The following ANO4 variants were observed in gnomAD, a reference collection of about 807,000 sequenced individuals.
The protein encoded by ANO4 is anoctamin-4.
In ANO4, 69 loss-of-function variants were observed where a neutral mutation model predicts 141.9. The observed-to-expected ratio is 0.49, with a 90% CI of 0.40 to 0.59. The LOEUF (loss-of-function observed/expected upper bound fraction) is 0.59, where lower values mean the gene tolerates loss of function less well. Ranked by LOEUF, ANO4 falls within the 20% of genes least tolerant of loss-of-function variation. The pLI, the probability that ANO4 is intolerant of heterozygous loss-of-function variation, is 0.00. For missense variants in ANO4, 894 were observed against 1,162.2 expected (o/e 0.77, Z 3.36); for synonymous variants, 350 against 394.3 (o/e 0.89, Z 1.33).
intron 11 of ANO4, 28 bp downstream of exon 11, chr12:101,040,104 A>G: frequency 6.3e-7 from 1 of 1,582,032 alleles, no homozygotes; most frequent in Non-Finnish European, 8.6e-7. Context: ...TGCAAATATA[A>G]AGCTTGCACA....
intron 3 of ANO4, among the ~76,000 whole-genome samples, chr12:100,767,131 T>G (rs529974624): frequency 6.6e-6 from 1 of 151,674 alleles, no homozygotes; most frequent in Admixed American, 6.5e-5. Context: ...TATAGGTATA[T>G]TTTTTTCTTT....
chr12:100,736,766 A>G (rs1460648871), intron 2 of ANO4, among the ~76,000 whole-genome samples: 4 of 152,166 alleles, frequency 2.6e-5, no homozygotes, highest in African/African-American at 7.2e-5. Context: ...CAGAGACCAT[A>G]CAGAGAGAGC....
chr12:100,770,253 G>C (rs926154622), intron 3 of ANO4, among the ~76,000 whole-genome samples: 1 of 152,084 alleles, frequency 6.6e-6, no homozygotes, highest in Non-Finnish European at 1.5e-5. Context: ...ATGTGGACTC[G>C]GGTTCTTACC....
At chr12:100,813,281 C>T (rs185973270) in intron 1 of ANO4, among the ~76,000 whole-genome samples, 5 of 152,142 alleles carry the variant, frequency 3.3e-5, no homozygotes, top group African/African-American at 9.7e-5. Flanking sequence ...TTTGGACCCA[C>T]GTTATTGCTC....
intron 5 of ANO4, among the ~76,000 whole-genome samples, chr12:100,966,444 C>T (rs754861801): frequency 3.3e-5 from 5 of 152,040 alleles, no homozygotes; most frequent in Admixed American, 6.6e-5. Flanking sequence ...CCTCACAGTC[C>T]GAATTGCTAA....
At chr12:101,048,226 C>A in intron 13 of ANO4, 115 bp from the exon 14 acceptor site, 1 of 1,252,266 alleles carries the variant, frequency 8.0e-7, no homozygotes. Context: ...CTACCCAAAA[C>A]AAAGCCTGTA....
Position 100,972,561 on chromosome 12 carries a change from T to A in ANO4, c.557+1155T>A, listed in dbSNP as rs151027766. 1.2e-3 allele frequency among the ~76,000 whole-genome samples: 181 copies of A among 152,152 alleles called. 2 individuals carry two copies. The highest frequency in any genetic ancestry group is 3.7e-3 in the African/African-American group (155 of 41,530). ...ACTGTTAAAAAGAAAATCTGAGAAC[T>A]CAAGGATTAAAAAAAGGAATACATA... On this transcript the variant is annotated intron_variant, in intron 6 of 27. Transcript: ENST00000392977.
At chr12:100,734,814 C>T (rs140574588) in intron 2 of ANO4, among the ~76,000 whole-genome samples, 18 of 152,288 alleles carry the variant, frequency 1.2e-4, no homozygotes, top group African/African-American at 4.3e-4. Context: ...TATGAGGTTA[C>T]TTAAGTATGT....
At chr12:101,015,272 C>T (rs1319680495) in intron 8 of ANO4, among the ~76,000 whole-genome samples, 2 of 152,196 alleles carry the variant, frequency 1.3e-5, no homozygotes, top group East Asian at 3.9e-4. Flanking sequence ...TGTGTCCTCC[C>T]ATAGTCATTC....
At chr12:100,783,340 A>G (rs2033766004) in intron 3 of ANO4, among the ~76,000 whole-genome samples, 1 of 152,162 alleles carries the variant, frequency 6.6e-6, no homozygotes, top group Admixed American at 6.5e-5. Context: ...TTTATGAAAT[A>G]TCTTGTTTCC....
chr12:101,109,431 G>C (rs888768469), intron 22 of ANO4, among the ~76,000 whole-genome samples: 3 of 151,938 alleles, frequency 2.0e-5, no homozygotes, highest in Non-Finnish European at 4.4e-5. Context: ...TGTGATGGCG[G>C]GCGCCTGTAA....
At chr12:101,010,490 ATCT>A (rs2046041114) in intron 8 of ANO4, among the ~76,000 whole-genome samples, 1 of 152,134 alleles carries the variant, frequency 6.6e-6, no homozygotes, top group African/African-American at 2.4e-5. Flanking sequence ...TGGCCTGACA[ATCT>A]TCTCATCTTT....
At chr12:100,797,129 T>C (rs1334694612) in intron 1 of ANO4, among the ~76,000 whole-genome samples, 1 of 132,216 alleles carries the variant, frequency 7.6e-6, no homozygotes, top group Admixed American at 7.8e-5. Flanking sequence ...TATATGTGTG[T>C]GTATATATAT....
intron 1 of ANO4, among the ~76,000 whole-genome samples, chr12:100,890,412 T>C (rs1165077978): frequency 6.6e-6 from 1 of 152,218 alleles, no homozygotes. Context: ...TTCCTAGAAG[T>C]AGAATTCTTG....
chr12:101,011,387 T>C (rs911884063), intron 8 of ANO4, among the ~76,000 whole-genome samples: 11 of 149,124 alleles, frequency 7.4e-5, no homozygotes, highest in African/African-American at 2.7e-4. Flanking sequence ...ATTTTTTCCA[T>C]ATAGAAAATA....
At chr12:101,083,540 C>A in intron 15 of ANO4, 138 bp from the exon 16 acceptor site, 1 of 1,000,218 alleles carries the variant, frequency 1.0e-6, no homozygotes, top group Non-Finnish European at 1.4e-6. Flanking sequence ...TAAGCCTGGG[C>A]ACCCAAACCC....
upstream of ANO4, chr12:100,717,418 G>C (rs1428297570): frequency 7.8e-6 from 3 of 382,606 alleles, no homozygotes; most frequent in Middle Eastern, 6.6e-4. Context: ...CCCGGGCGCC[G>C]CTAGAGCCAA....
At chr12:100,897,445 A>G (rs745429067) in intron 1 of ANO4, among the ~76,000 whole-genome samples, 2 of 152,238 alleles carry the variant, frequency 1.3e-5, no homozygotes, top group African/African-American at 2.4e-5. Context: ...GCACTGTGCC[A>G]TCTGTGCCCA....
intron 5 of ANO4, among the ~76,000 whole-genome samples, chr12:100,970,790 C>T (rs1427258702): frequency 6.6e-6 from 1 of 151,678 alleles, no homozygotes; most frequent in Non-Finnish European, 1.5e-5. Context: ...ACAATCTCAG[C>T]TCACTGCAAC....
Sources: gnomAD v4.1 joint callset for allele counts (sites outside exome capture counted in the v4.1 genomes callset) on GRCh38, gnomAD v4.1.1 for gene constraint, MANE v1.5 for transcripts, NCBI Gene and HGNC (gene_info 2026-07-23, HGNC 2026-07-21) for gene names.